The following SCMH1 variants were observed in gnomAD, a reference collection of about 807,000 sequenced individuals.
The protein encoded by SCMH1 is Scm polycomb group protein homolog 1, also known as polycomb protein SCMH1.
SCMH1 carries 37 observed loss-of-function variants against 70.8 expected under a neutral mutation model. The ratio of observed to expected loss-of-function variants is 0.52; its 90% CI spans 0.40 to 0.69. The LOEUF (loss-of-function observed/expected upper bound fraction) is 0.69. Ranked by LOEUF, SCMH1 falls within the 30% of genes least tolerant of loss-of-function variation. The probability of loss-of-function intolerance (pLI) is 0.00; values close to 1 mark genes in which losing one functional copy is unlikely to be tolerated. For missense variants in SCMH1, 607 were observed against 827.3 expected, an observed-to-expected ratio of 0.73 and a Z score of 3.27; for synonymous variants, 292 against 307.4, an observed-to-expected ratio of 0.95 and a Z score of 0.52.
At chr1:41,161,310 G>A in intron 3 of SCMH1, 54 bp downstream of exon 3, 1 of 1,545,886 alleles carries the variant, frequency 6.5e-7, no homozygotes, top group Non-Finnish European at 8.7e-7. Context: ...GGTTTTATGG[G>A]AAAAGATGCC....
chr1:41,179,633 C>T (rs140361145), intron 2 of SCMH1, among the ~76,000 whole-genome samples: 16 of 152,154 alleles, frequency 1.1e-4, no homozygotes, highest in African/African-American at 3.6e-4. Context: ...ATAAATTCCT[C>T]GACACATACA....
intron 4 of SCMH1, among the ~76,000 whole-genome samples, chr1:41,158,949 A>G (rs1300485775): frequency 3.3e-5 from 5 of 152,206 alleles, no homozygotes; most frequent in Non-Finnish European, 7.3e-5. Context: ...CAAAAAGAGC[A>G]AATTTTTGAC....
intron 8 of SCMH1, chr1:41,099,203 T>C (rs1181952055): frequency 1.2e-5 from 2 of 170,530 alleles, no homozygotes; most frequent in Non-Finnish European, 2.5e-5. Context: ...CTAAACAGGA[T>C]GCAGAATAAA....
chr1:41,106,111 G>A (rs1253437108), intron 8 of SCMH1, among the ~76,000 whole-genome samples: 1 of 151,762 alleles, frequency 6.6e-6, no homozygotes, highest in Non-Finnish European at 1.5e-5. Context: ...CTGACCTCAG[G>A]TGATCTGCCC....
intron 2 of SCMH1, among the ~76,000 whole-genome samples, chr1:41,168,629 T>C (rs1365292818): frequency 7.0e-6 from 1 of 143,458 alleles, no homozygotes; most frequent in East Asian, 2.1e-4. Flanking sequence ...TGTGGAGATT[T>C]GTCTTTTTTT....
chr1:41,226,107 A>G (rs1245753485), intron 1 of SCMH1, among the ~76,000 whole-genome samples: 1 of 152,222 alleles, frequency 6.6e-6, no homozygotes, highest in African/African-American at 2.4e-5. Flanking sequence ...TACAGTAAAT[A>G]CTTGGAAATT....
intron 8 of SCMH1, among the ~76,000 whole-genome samples, chr1:41,083,636 AT>A (rs1289255433): frequency 1.3e-5 from 2 of 152,210 alleles, no homozygotes; most frequent in African/African-American, 4.8e-5. Flanking sequence ...TTTAAACTTC[AT>A]ATGGAACCAA....
chr1:41,132,912 G>A (rs1642608619), intron 6 of SCMH1, among the ~76,000 whole-genome samples: 1 of 152,134 alleles, frequency 6.6e-6, no homozygotes, highest in Admixed American at 6.5e-5. Context: ...TATCTGTTTT[G>A]GTACCAGTGC....
At chr1:41,067,458 C>CAAAAAAAAAAAAAAA (rs60607308) in intron 10 of SCMH1, among the ~76,000 whole-genome samples, 4 of 60,244 alleles carry the variant, frequency 6.6e-5, no homozygotes, top group Admixed American at 3.8e-4. Flanking sequence ...ACAACAACAA[C>CAAAAAAAAAAAAAAA]AAAAAAAAAA....
At chr1:41,118,796 CA>C (rs954633529) in intron 6 of SCMH1, among the ~76,000 whole-genome samples, 1 of 152,196 alleles carries the variant, frequency 6.6e-6, no homozygotes, top group Non-Finnish European at 1.5e-5. Context: ...CCTGAGATAA[CA>C]AAACCTAATG....
At chr1:41,186,273 G>A in intron 1 of SCMH1, 23 bp from the exon 2 acceptor site, 1 of 608,842 alleles carries the variant, frequency 1.6e-6, no homozygotes. Context: ...TAGGTGGGGA[G>A]GAAGGAGAAG....
intron 1 of SCMH1, among the ~76,000 whole-genome samples, chr1:41,230,992 G>C (rs1661192226): frequency 6.6e-6 from 1 of 152,178 alleles, no homozygotes. Flanking sequence ...AAATTGGTTT[G>C]TGGGAGTGGC....
intron 2 of SCMH1, among the ~76,000 whole-genome samples, chr1:41,175,303 G>C (rs1557738390): frequency 6.6e-6 from 1 of 152,142 alleles, no homozygotes. Context: ...CTTGGACACT[G>C]GAGCTCCTAG....
At chr1:41,190,556 G>A (rs1651452037) in intron 1 of SCMH1, among the ~76,000 whole-genome samples, 1 of 152,140 alleles carries the variant, frequency 6.6e-6, no homozygotes, top group African/African-American at 2.4e-5. Context: ...GGAGGAAGAG[G>A]GAGGCTGGAC....
chr1:41,103,234 C>A (rs986328318), intron 8 of SCMH1, among the ~76,000 whole-genome samples: 1 of 151,746 alleles, frequency 6.6e-6, no homozygotes, highest in African/African-American at 2.4e-5. Context: ...CAGGTTCAAG[C>A]GATTCTTCTG....
Position 41,113,553 on chromosome 1 carries a change from C to A in SCMH1, c.502-27G>T, listed in dbSNP as rs1669740651. 1.9e-6 allele frequency: 3 copies of A among 1,592,496 alleles called. No homozygotes were observed. The highest frequency in any genetic ancestry group is 2.6e-6 in the Non-Finnish European group (3 of 1,170,608). On this transcript the variant is annotated intron_variant, in intron 7 of 14. Coordinates refer to ENST00000337495, the Ensembl canonical transcript of SCMH1. The surrounding 1 kb of genome is among the most constrained non-coding windows in gnomAD (Gnocchi z 4.3). ...TAGATGAGAAACAGAAACATACACA[C>A]CTAGACACAAAGAGAGGCCATTATG...
intron 10 of SCMH1, among the ~76,000 whole-genome samples, chr1:41,057,242 GT>G (rs902694010): frequency 1.6e-4 from 24 of 151,790 alleles, no homozygotes; most frequent in African/African-American, 5.3e-4. Context: ...TATTTACCAT[GT>G]TTTTTTTGTT....
At chr1:41,055,645 A>T (rs1363203082) in intron 10 of SCMH1, among the ~76,000 whole-genome samples, 1 of 152,248 alleles carries the variant, frequency 6.6e-6, no homozygotes, top group African/African-American at 2.4e-5. Flanking sequence ...GAATTTCTAT[A>T]GACCAGTGAC....
At chr1:41,073,662 C>G (rs1308213811) in intron 9 of SCMH1, among the ~76,000 whole-genome samples, 2 of 151,512 alleles carry the variant, frequency 1.3e-5, no homozygotes, top group Non-Finnish European at 2.9e-5. Flanking sequence ...ATCCATCCTT[C>G]CATCCATGTA....
Sources: gnomAD v4.1 joint callset for allele counts (sites outside exome capture counted in the v4.1 genomes callset) on GRCh38, gnomAD v4.1.1 for gene constraint, Gnocchi (gnomAD v3.1) non-coding constraint, MANE v1.5 for transcripts, NCBI Gene and HGNC (gene_info 2026-07-23, HGNC 2026-07-21) for gene names.